Variants in FHIT observed in about 807,000 individuals in gnomAD.
FHIT encodes fragile histidine triad diadenosine triphosphatase, also known as bis(5'-adenosyl)-triphosphatase.
FHIT carries 19 observed loss-of-function variants against 17.9 expected under a neutral mutation model. The observed-to-expected ratio is 1.06, with a 90% CI of 0.74 to 1.56. The LOEUF is 1.56. FHIT is among the 40% of genes most tolerant of loss of function. The pLI, the probability that FHIT is intolerant of heterozygous loss-of-function variation, is 0.00. For synonymous variants in FHIT, 81 were observed against 69.7 expected, an observed-to-expected ratio of 1.16 and a Z score of -0.81; for missense variants, 248 against 189.2, an observed-to-expected ratio of 1.31 and a Z score of -1.82.
At chr3:60,982,168 T>A (rs906562178) in intron 3 of FHIT, among the ~76,000 whole-genome samples, 1 of 152,230 alleles carries the variant, frequency 6.6e-6, no homozygotes, top group African/African-American at 2.4e-5. Flanking sequence ...GTGCTTTCCC[T>A]GCTACACTCA....
intron 4 of FHIT, among the ~76,000 whole-genome samples, chr3:60,799,178 G>A (rs1388968531): frequency 4.6e-5 from 7 of 151,540 alleles, no homozygotes; most frequent in Admixed American, 4.6e-4. Flanking sequence ...TTTATGATTA[G>A]TATTATTATT....
In FHIT at chr3:61,047,759, T is replaced by G. The variant is rs536338847; in HGVS notation, c.-163-5660A>C. Among the ~76,000 whole-genome samples the G allele has an allele frequency of 1.2e-3, 176 of 152,216 alleles. 1 individual carries two copies. Among genetic ancestry groups the G allele is most frequent in the African/African-American group, 4.1e-3 (172 of 41,552 alleles). On this transcript the variant is annotated intron_variant, in intron 2 of 9. Transcript: ENST00000492590. ...CCACAAGGCTACCCAAACAGCATGATACTGGTACCAAAACAGAGATATAGA... is the reference window on the plus strand; with the variant it reads ...CCACAAGGCTACCCAAACAGCATGAGACTGGTACCAAAACAGAGATATAGA...
intron 5 of FHIT, among the ~76,000 whole-genome samples, chr3:60,374,031 G>T (rs1048481355): frequency 6.6e-6 from 1 of 152,074 alleles, no homozygotes; most frequent in Non-Finnish European, 1.5e-5. Context: ...AAAAGTAATG[G>T]TTTTGGTTCC....
intron 4 of FHIT, among the ~76,000 whole-genome samples, chr3:60,626,049 G>A (rs547032736): frequency 2.0e-5 from 3 of 152,296 alleles, no homozygotes; most frequent in South Asian, 4.2e-4. Context: ...GATAGTAAAT[G>A]TGAGTTTATT....
chr3:61,039,825 A>C (rs1287592883), intron 3 of FHIT, among the ~76,000 whole-genome samples: 1 of 152,170 alleles, frequency 6.6e-6, no homozygotes, highest in Non-Finnish European at 1.5e-5. Flanking sequence ...CATTCTGCAC[A>C]CATATCCTGG....
In FHIT at chr3:60,315,664, G is replaced by A. The variant is rs529571543; in HGVS notation, c.103+221196C>T. 9.8e-5 allele frequency among the ~76,000 whole-genome samples: 15 copies of A among 152,294 alleles called. No homozygotes were observed. In the South Asian group the frequency reaches 2.9e-3, roughly 29 times the overall value. On this transcript the variant is annotated intron_variant, in intron 5 of 9. Coordinates refer to ENST00000492590, the MANE Select transcript of FHIT (RefSeq NM_002012.4). Reference sequence around the variant, plus strand: ...TCATTGCTCTGAAGTGTTGCATTTTGTAAGTATACTACAATTATCCATTCT... The same window carrying A: ...TCATTGCTCTGAAGTGTTGCATTTTATAAGTATACTACAATTATCCATTCT...
At chr3:60,370,282 G>T (rs1345669185) in intron 5 of FHIT, among the ~76,000 whole-genome samples, 1 of 152,188 alleles carries the variant, frequency 6.6e-6, no homozygotes, top group Non-Finnish European at 1.5e-5. Flanking sequence ...AAGAAATCAA[G>T]TGTAAGAGCT....
At chr3:60,146,313 G>A (rs1482893321) in intron 5 of FHIT, among the ~76,000 whole-genome samples, 1 of 151,250 alleles carries the variant, frequency 6.6e-6, no homozygotes, top group Non-Finnish European at 1.5e-5. Context: ...CTACCAACAC[G>A]CTGTCAACCA....
chr3:59,904,540 T>A (rs1187669814), intron 8 of FHIT, among the ~76,000 whole-genome samples: 2 of 152,164 alleles, frequency 1.3e-5, no homozygotes, highest in Non-Finnish European at 2.9e-5. Context: ...GGATTTTTCT[T>A]CTCAGTCACT....
intron 3 of FHIT, among the ~76,000 whole-genome samples, chr3:60,893,815 G>A (rs1705643079): frequency 6.6e-6 from 1 of 152,112 alleles, no homozygotes; most frequent in South Asian, 2.1e-4. Flanking sequence ...TTAAAGTCAA[G>A]GATTCCATCC....
At chr3:60,956,877 C>T (rs1575750246) in intron 3 of FHIT, among the ~76,000 whole-genome samples, 6 of 152,000 alleles carry the variant, frequency 3.9e-5, no homozygotes, top group Middle Eastern at 3.4e-3. Flanking sequence ...CTACTGTCAG[C>T]GTCCTACAAA....
chr3:60,130,793 A>ACACATATATGTGTGTGTGTGTG (rs1165614900), intron 5 of FHIT, among the ~76,000 whole-genome samples: 13 of 140,524 alleles, frequency 9.3e-5, no homozygotes, highest in Non-Finnish European at 1.4e-4. Flanking sequence ...TGGTGTGTAT[A>ACACATATATGTGTGTGTGTGTG]TACACACATA....
At chr3:60,890,836 A>G (rs1553760502) in intron 3 of FHIT, among the ~76,000 whole-genome samples, 2 of 152,172 alleles carry the variant, frequency 1.3e-5, no homozygotes, top group African/African-American at 4.8e-5. Context: ...ACGTCCCTTC[A>G]GGCAACTTGG....
chr3:60,140,615 G>A (rs1157180324), intron 5 of FHIT, among the ~76,000 whole-genome samples: 1 of 131,482 alleles, frequency 7.6e-6, no homozygotes, highest in African/African-American at 2.8e-5. Flanking sequence ...TTTCGCTATT[G>A]TTGTCCAGGC....
At chr3:60,585,246 C>T (rs1176691561) in intron 4 of FHIT, among the ~76,000 whole-genome samples, 1 of 151,894 alleles carries the variant, frequency 6.6e-6, no homozygotes, top group East Asian at 1.9e-4. Flanking sequence ...ATATCCAGGA[C>T]TTGAATGCTC....
intron 3 of FHIT, among the ~76,000 whole-genome samples, chr3:61,011,655 A>G (rs1169189214): frequency 1.3e-5 from 2 of 152,168 alleles, no homozygotes; most frequent in Non-Finnish European, 2.9e-5. Flanking sequence ...TATGTCTGAA[A>G]ATGTATCTGC....
chr3:61,176,012 G>A (rs907789064), intron 2 of FHIT, among the ~76,000 whole-genome samples: 2 of 152,226 alleles, frequency 1.3e-5, no homozygotes, highest in African/African-American at 4.8e-5. Flanking sequence ...CTTTGCATAA[G>A]CAAATCGTAA....
At chr3:60,420,757 T>C (rs1028014471) in intron 5 of FHIT, among the ~76,000 whole-genome samples, 36 of 152,180 alleles carry the variant, frequency 2.4e-4, no homozygotes, top group African/African-American at 8.4e-4. Flanking sequence ...GTTTAAGTAT[T>C]GGTTTGTCAT....
chr3:61,147,658 A>C (rs2037264087), intron 2 of FHIT, among the ~76,000 whole-genome samples: 1 of 109,362 alleles, frequency 9.1e-6, no homozygotes, highest in African/African-American at 3.2e-5. Flanking sequence ...AAATGTATGA[A>C]AATATAAAAA....
Sources: gnomAD v4.1 joint callset for allele counts (sites outside exome capture counted in the v4.1 genomes callset) on GRCh38, gnomAD v4.1.1 for gene constraint, MANE v1.5 for transcripts, NCBI Gene and HGNC (gene_info 2026-07-23, HGNC 2026-07-21) for gene names.